The following PHF24 variants were observed in gnomAD, a reference collection of about 807,000 sequenced individuals.
The protein encoded by PHF24 is PHD finger protein 24.
PHF24 carries 25 observed loss-of-function variants against 42.6 expected under a neutral mutation model. The ratio of observed to expected loss-of-function variants is 0.59; its 90% confidence interval spans 0.43 to 0.82. The LOEUF (loss-of-function observed/expected upper bound fraction) is 0.82, where lower values mean the gene tolerates loss of function less well. Ranked by LOEUF, PHF24 falls within the 40% of genes least tolerant of loss-of-function variation. The pLI, the probability that PHF24 is intolerant of heterozygous loss-of-function variation, is 0.00. For missense variants in PHF24, 470 were observed against 538.1 expected, an observed-to-expected ratio of 0.87 and a Z score of 1.25; for synonymous variants, 185 against 204.8, an observed-to-expected ratio of 0.90 and a Z score of 0.83.
intron 4 of PHF24, 129 bp downstream of exon 4, chr9:34,976,359 A>G: frequency 1.0e-6 from 1 of 988,602 alleles, no homozygotes; most frequent in Non-Finnish European, 1.6e-6. Flanking sequence ...CTTGTTCCTG[A>G]GTTGTTGGCC....
chr9:34,746,391 A>G, the PHF24 span, among the ~76,000 whole-genome samples: 1 of 152,218 alleles, frequency 6.6e-6, no homozygotes, highest in African/African-American at 2.4e-5. Context: ...TCATTTATGA[A>G]CATAGATATT....
the PHF24 span, among the ~76,000 whole-genome samples, chr9:34,697,858 T>C: frequency 6.6e-6 from 1 of 152,308 alleles, no homozygotes; most frequent in African/African-American, 2.4e-5. Flanking sequence ...CATGAGGTTG[T>C]GAGATGCTCT....
the PHF24 span, among the ~76,000 whole-genome samples, chr9:34,849,503 G>A: frequency 0.26 from 39,875 of 150,764 alleles, 6,444 homozygotes; most frequent in East Asian, 0.54. Flanking sequence ...GTCTCTGCAC[G>A]TGAGATGGGT....
the PHF24 span, chr9:34,724,106 G>A: frequency 1.3e-6 from 2 of 1,528,148 alleles, no homozygotes; most frequent in African/African-American, 1.4e-5. Context: ...TCTGTTTCCT[G>A]CTAGCATGGG....
the PHF24 span, among the ~76,000 whole-genome samples, chr9:34,860,143 T>C: frequency 6.6e-6 from 1 of 152,224 alleles, no homozygotes; most frequent in African/African-American, 2.4e-5. Flanking sequence ...CTAGAAACTG[T>C]CTACGCTGTA....
At chr9:34,960,848 GTGCACGAA>G (rs1391539648) in intron 1 of PHF24, among the ~76,000 whole-genome samples, 1 of 152,128 alleles carries the variant, frequency 6.6e-6, no homozygotes, top group Non-Finnish European at 1.5e-5. Flanking sequence ...ATTCCAGAAT[GTGCACGAA>G]AGATGTCACC....
the PHF24 span, among the ~76,000 whole-genome samples, chr9:34,860,069 C>T: frequency 6.6e-6 from 1 of 152,216 alleles, no homozygotes; most frequent in Non-Finnish European, 1.5e-5. Flanking sequence ...CTGTGACTTG[C>T]ACCTCCATCT....
chr9:34,858,812 T>C, the PHF24 span, among the ~76,000 whole-genome samples: 1 of 152,270 alleles, frequency 6.6e-6, no homozygotes, highest in Non-Finnish European at 1.5e-5. Flanking sequence ...AGTTTCTATT[T>C]ATTTTCTTCC....
chr9:34,959,022 C>T (rs922214428), intron 1 of PHF24, among the ~76,000 whole-genome samples: 2 of 152,206 alleles, frequency 1.3e-5, no homozygotes, highest in African/African-American at 4.8e-5. Flanking sequence ...GGGCTGCAGC[C>T]TCTTTCCATT....
At chr9:34,744,611 C>T in the PHF24 span, among the ~76,000 whole-genome samples, 5 of 152,152 alleles carry the variant, frequency 3.3e-5, no homozygotes, top group African/African-American at 1.2e-4. Flanking sequence ...TTAAATTTAT[C>T]TCTATAATAT....
At chr9:34,952,434 C>T in the PHF24 span, among the ~76,000 whole-genome samples, 167 of 152,296 alleles carry the variant, frequency 1.1e-3, 3 homozygotes, top group Non-Finnish European at 1.8e-3. Context: ...ATTAAGATGA[C>T]AGTTTTTTCC....
the PHF24 span, among the ~76,000 whole-genome samples, chr9:34,806,194 A>G: frequency 6.6e-6 from 1 of 151,636 alleles, no homozygotes; most frequent in Non-Finnish European, 1.5e-5. Context: ...TGCTTGGGCT[A>G]TTCAGGGTCT....
At chr9:34,835,822 A>C in the PHF24 span, 2 of 1,467,822 alleles carry the variant, frequency 1.4e-6, no homozygotes, top group Admixed American at 2.0e-5. Flanking sequence ...AAGCTCTCTG[A>C]TATTTCTGGA....
At chr9:34,710,329 C>T in the PHF24 span, among the ~76,000 whole-genome samples, 1 of 152,192 alleles carries the variant, frequency 6.6e-6, no homozygotes, top group Non-Finnish European at 1.5e-5. Context: ...CTGAGCCTTC[C>T]TTCTATTCCC....
chr9:34,856,202 GT>G, the PHF24 span, among the ~76,000 whole-genome samples: 1 of 152,068 alleles, frequency 6.6e-6, no homozygotes, highest in Non-Finnish European at 1.5e-5. Context: ...TAGCTTCTTT[GT>G]ATTGGGTTGG....
chr9:34,925,820 T>A, the PHF24 span, among the ~76,000 whole-genome samples: 1 of 152,224 alleles, frequency 6.6e-6, no homozygotes, highest in Admixed American at 6.5e-5. Context: ...TAGAGAATTG[T>A]CTTTTTCCTT....
the PHF24 span, among the ~76,000 whole-genome samples, chr9:34,721,516 G>A: frequency 1.3e-5 from 2 of 151,994 alleles, no homozygotes; most frequent in African/African-American, 4.8e-5. Context: ...CTGGGTTCAA[G>A]TGATTCTCCT....
chr9:34,955,321 CA>C (rs146827510), upstream of PHF24, among the ~76,000 whole-genome samples: 3 of 137,850 alleles, frequency 2.2e-5, no homozygotes, highest in Admixed American at 7.2e-5. Flanking sequence ...CAAGAATATG[CA>C]AAAAAAAAAG....
the PHF24 span, among the ~76,000 whole-genome samples, chr9:34,935,483 A>G: frequency 6.6e-6 from 1 of 151,502 alleles, no homozygotes; most frequent in African/African-American, 2.4e-5. Flanking sequence ...AGTCCCAGCT[A>G]TTTGGAAGGC....
Sources: allele counts gnomAD v4.1 joint callset (sites outside exome capture counted in the v4.1 genomes callset), GRCh38; gene constraint gnomAD v4.1.1; transcripts MANE v1.5; gene names NCBI Gene and HGNC (gene_info 2026-07-23, HGNC 2026-07-21).